Variants in RNF128 observed in about 807,000 individuals in gnomAD.
The protein encoded by RNF128 is E3 ubiquitin-protein ligase RNF128.
In RNF128, 13 loss-of-function variants were observed where a neutral mutation model predicts 26.2. The observed-to-expected ratio is 0.50, with a 90% CI of 0.32 to 0.79. RNF128 has a LOEUF of 0.79. Among genes scored for constraint, RNF128 ranks in the 30% least tolerant of loss-of-function variants. RNF128 has a pLI of 0.03. For missense variants in RNF128, 315 were observed against 349.7 expected (o/e 0.90, Z 0.79); for synonymous variants, 149 against 142.5 (o/e 1.05, Z -0.32).
At chrX:106,738,520 A>G (rs1929639726) in intron 1 of RNF128, among the ~76,000 whole-genome samples, 1 of 111,959 alleles carries the variant, frequency 8.9e-6, no homozygotes, top group Admixed American at 9.5e-5. Context: ...AAATCACATA[A>G]TCAAGAAACT....
intron 2 of RNF128, among the ~76,000 whole-genome samples, chrX:106,784,755 T>C (rs1930623666): frequency 9.0e-6 from 1 of 111,563 alleles, no homozygotes; most frequent in Non-Finnish European, 1.9e-5. Flanking sequence ...AATAGGAAGA[T>C]TGCTTTGAAA....
At chrX:106,746,098 A>G (rs749641912) in intron 1 of RNF128, among the ~76,000 whole-genome samples, 5 of 111,540 alleles carry the variant, frequency 4.5e-5, no homozygotes, top group Non-Finnish European at 9.4e-5. Flanking sequence ...GATATCAGCA[A>G]ATTCAGAAGT....
At position 106,773,416 on chromosome X, in the gene RNF128, G is replaced by A. The variant is rs373791741; in HGVS notation, c.732+256G>A. On this transcript the variant is annotated intron_variant, in intron 2 of 6. Coordinates refer to ENST00000255499, the MANE Select transcript of RNF128 (RefSeq NM_194463.2). ...ACATCCAGCATTTAATTACATATAGGTGTAAATACATATGTTCTTTTAAAT... is the reference window on the plus strand; with the variant it reads ...ACATCCAGCATTTAATTACATATAGATGTAAATACATATGTTCTTTTAAAT... Among the ~76,000 whole-genome samples, 3 of 111,610 alleles carry A rather than the reference G, an allele frequency of 2.7e-5. No homozygotes were observed. The East Asian group carries it at 8.4e-4, about 31-fold the overall frequency.
At chrX:106,708,449 A>G (rs756795176) in intron 1 of RNF128, among the ~76,000 whole-genome samples, 1 of 112,645 alleles carries the variant, frequency 8.9e-6, no homozygotes, top group African/African-American at 3.2e-5. Flanking sequence ...TACATAAGCT[A>G]TTGTAGATGT....
intron 1 of RNF128, among the ~76,000 whole-genome samples, chrX:106,730,482 G>A (rs988528759): frequency 1.8e-5 from 2 of 111,958 alleles, no homozygotes; most frequent in Non-Finnish European, 3.8e-5. Flanking sequence ...TCAGATAAGT[G>A]GCCAAATCTT....
At chrX:106,785,200 TA>T in intron 3 of RNF128, 64 bp downstream of exon 3, 1 of 847,194 alleles carries the variant, frequency 1.2e-6, no homozygotes, top group South Asian at 2.7e-5. Flanking sequence ...TTGTTCAGGC[TA>T]AATGTTCTTC....
intron 1 of RNF128, among the ~76,000 whole-genome samples, chrX:106,720,191 C>T (rs1929286312): frequency 9.1e-6 from 1 of 109,458 alleles, no homozygotes; most frequent in Non-Finnish European, 1.9e-5. Flanking sequence ...AACTTACCCC[C>T]ATGCCTTGGG....
At position 106,777,777 on chromosome X, in the gene RNF128, C is replaced by T. The variant is rs755591676; in HGVS notation, c.732+4617C>T. On this transcript the variant is annotated intron_variant, in intron 2 of 6. Coordinates refer to ENST00000255499, the MANE Select transcript of RNF128 (RefSeq NM_194463.2). Reference sequence around the variant, plus strand: ...TTGAGCCCAGGAGTTCCAGACCAACCTGTGCAACATGGCAAAACCCTGTCC... The same window carrying T: ...TTGAGCCCAGGAGTTCCAGACCAACTTGTGCAACATGGCAAAACCCTGTCC... Among the ~76,000 whole-genome samples, 3 of 111,273 alleles carry T rather than the reference C, an allele frequency of 2.7e-5. No individual in the cohort carries two copies. In the East Asian group the frequency reaches 8.5e-4, roughly 32 times the overall value.
chrX:106,696,932 T>G (rs190643683), intron 1 of RNF128, among the ~76,000 whole-genome samples: 1 of 111,763 alleles, frequency 8.9e-6, no homozygotes, highest in African/African-American at 3.2e-5. Context: ...TGGGCTTGCT[T>G]ATGTGTTTTG....
chrX:106,718,782 CG>C (rs1929260952), intron 1 of RNF128, among the ~76,000 whole-genome samples: 1 of 111,928 alleles, frequency 8.9e-6, no homozygotes, highest in Non-Finnish European at 1.9e-5. Context: ...CCAACATAAC[CG>C]TAACACTTGT....
At chrX:106,720,995 G>A (rs1929301007) in intron 1 of RNF128, among the ~76,000 whole-genome samples, 1 of 111,720 alleles carries the variant, frequency 9.0e-6, no homozygotes, top group Non-Finnish European at 1.9e-5. Flanking sequence ...TTGGGTGCAT[G>A]AAAGTTTTGC....
intron 4 of RNF128, among the ~76,000 whole-genome samples, chrX:106,789,162 A>G (rs1182105622): frequency 4.4e-5 from 4 of 90,374 alleles, no homozygotes; most frequent in Non-Finnish European, 8.6e-5. Context: ...CTACATATAT[A>G]TAAATTGTGT....
intron 1 of RNF128, among the ~76,000 whole-genome samples, chrX:106,709,021 T>C (rs775655008): frequency 3.6e-5 from 4 of 111,609 alleles, no homozygotes; most frequent in Non-Finnish European, 7.5e-5. Flanking sequence ...TTATATACAG[T>C]ATGAATTTTC....
At chrX:106,731,440 A>G (rs1425964231) in intron 1 of RNF128, among the ~76,000 whole-genome samples, 1 of 112,034 alleles carries the variant, frequency 8.9e-6, no homozygotes, top group African/African-American at 3.2e-5. Flanking sequence ...ACCATTTTAT[A>G]TTTAAGTTTT....
intron 1 of RNF128, among the ~76,000 whole-genome samples, chrX:106,750,426 C>G (rs978057738): frequency 1.8e-5 from 2 of 111,945 alleles, no homozygotes; most frequent in Non-Finnish European, 3.8e-5. Flanking sequence ...TTGTGTTACC[C>G]TAGGCAGTTA....
At chrX:106,767,784 T>A (rs1476088685) in intron 1 of RNF128, among the ~76,000 whole-genome samples, 1 of 111,959 alleles carries the variant, frequency 8.9e-6, no homozygotes, top group Non-Finnish European at 1.9e-5. Context: ...GGCATCCCTG[T>A]CTTGTGCCAG....
intron 1 of RNF128, among the ~76,000 whole-genome samples, chrX:106,711,139 T>C (rs1929119978): frequency 8.9e-6 from 1 of 112,213 alleles, no homozygotes; most frequent in Admixed American, 9.4e-5. Context: ...ACTTAATTTA[T>C]AGGAAGATGT....
intron 1 of RNF128, among the ~76,000 whole-genome samples, chrX:106,739,133 T>TTTCCTTCC (rs753245428): frequency 7.3e-5 from 8 of 109,358 alleles, no homozygotes; most frequent in African/African-American, 2.7e-4. Context: ...TCCTTCCTTT[T>TTTCCTTCC]TTCCTTCCTT....
In RNF128 at chrX:106,785,181, A is replaced by G. The variant is rs188554085; in HGVS notation, c.804+45A>G. ...ATGCTATTTATTTTAAAGCAGTGCT[A>G]CCAAGCCATTGTTCAGGCTAAATGT... On this transcript the variant is annotated intron_variant, in intron 3 of 6. Coordinates refer to ENST00000255499, the MANE Select transcript of RNF128 (RefSeq NM_194463.2). 26 of 971,486 alleles carry G rather than the reference A, an allele frequency of 2.7e-5. No individual in the cohort carries two copies. In the East Asian group the frequency reaches 7.7e-4, roughly 29 times the overall value. The allele number at this position is 971,486 out of a possible 1,213,427, so 80.1% of individuals were successfully genotyped here. A position where few individuals can be genotyped will look rare whatever the true frequency, so the allele number is the denominator to read the frequency against.
Sources: gnomAD v4.1 joint callset for allele counts (sites outside exome capture counted in the v4.1 genomes callset) on GRCh38, gnomAD v4.1.1 for gene constraint, MANE v1.5 for transcripts, NCBI Gene and HGNC (gene_info 2026-07-23, HGNC 2026-07-21) for gene names.